Variants in HOMER2 observed in about 807,000 individuals in gnomAD.
HOMER2 encodes homer scaffold protein 2.
In HOMER2, 27 loss-of-function variants were observed where a neutral mutation model predicts 47.0. The ratio of observed to expected loss-of-function variants is 0.57; its 90% CI spans 0.42 to 0.79. The LOEUF is 0.79. HOMER2 is among the 30% of genes least tolerant of loss of function. The probability of loss-of-function intolerance (pLI) is 0.00; values close to 1 mark genes in which losing one functional copy is unlikely to be tolerated. For missense variants in HOMER2, 443 were observed against 435.0 expected, an observed-to-expected ratio of 1.02 and a Z score of -0.16; for synonymous variants, 161 against 163.8, an observed-to-expected ratio of 0.98 and a Z score of 0.13.
chr15:82,928,624 T>A (rs2053916209), intron 1 of HOMER2, among the ~76,000 whole-genome samples: 1 of 152,130 alleles, frequency 6.6e-6, no homozygotes. Flanking sequence ...CATTCGTTAT[T>A]CACTAGGTTA....
At chr15:82,861,676 T>C (rs976106389) in intron 4 of HOMER2, among the ~76,000 whole-genome samples, 7 of 152,168 alleles carry the variant, frequency 4.6e-5, no homozygotes, top group Non-Finnish European at 1.0e-4. Context: ...TCTAAGAGAT[T>C]CAGGAAACCA....
At chr15:82,962,397 C>A (rs1208621391) in intron 1 of HOMER2, among the ~76,000 whole-genome samples, 2 of 149,136 alleles carry the variant, frequency 1.3e-5, no homozygotes, top group East Asian at 2.0e-4. Flanking sequence ...TGTCCAGAGG[C>A]CGGGCATGGT....
chr15:82,868,541 A>ATATTTTTTTTTTT, intron 3 of HOMER2, among the ~76,000 whole-genome samples: 1 of 71,290 alleles, frequency 1.4e-5, no homozygotes. Flanking sequence ...ATATATATAT[A>ATATTTTTTTTTTT]TTTTTTTTTT....
chr15:82,978,005 C>G (rs1567081006), intron 1 of HOMER2, among the ~76,000 whole-genome samples: 1 of 152,104 alleles, frequency 6.6e-6, no homozygotes. Context: ...CAAAAATTAG[C>G]TGGGCATGGA....
At chr15:82,976,191 C>T (rs1257199402) in intron 1 of HOMER2, among the ~76,000 whole-genome samples, 1 of 152,016 alleles carries the variant, frequency 6.6e-6, no homozygotes, top group African/African-American at 2.4e-5. Flanking sequence ...GTTAATTTCA[C>T]TTTCCTCTTA....
chr15:82,932,237 G>A (rs1174599110), intron 1 of HOMER2, among the ~76,000 whole-genome samples: 1 of 152,122 alleles, frequency 6.6e-6, no homozygotes, highest in East Asian at 1.9e-4. Context: ...GCTCACGCCT[G>A]TAATCCCAGC....
At chr15:82,889,991 C>T (rs1056191765) in intron 2 of HOMER2, among the ~76,000 whole-genome samples, 4 of 152,174 alleles carry the variant, frequency 2.6e-5, no homozygotes, top group Admixed American at 6.5e-5. Context: ...TCATGGGATG[C>T]TTCCTTTTGC....
intron 1 of HOMER2, among the ~76,000 whole-genome samples, chr15:82,894,095 T>C (rs1196843792): frequency 6.6e-6 from 1 of 152,220 alleles, no homozygotes; most frequent in Admixed American, 6.5e-5. Flanking sequence ...CCTTCTGCTA[T>C]TCTTGCCTCT....
At chr15:82,920,429 G>A (rs148835320) in intron 1 of HOMER2, among the ~76,000 whole-genome samples, 1 of 152,246 alleles carries the variant, frequency 6.6e-6, no homozygotes, top group African/African-American at 2.4e-5. Flanking sequence ...CAGTTGACTG[G>A]GCTGAAACCA....
At chr15:82,859,298 G>GT (rs1044665680) in intron 4 of HOMER2, 163 bp from the exon 5 acceptor site, 65 of 746,838 alleles carry the variant, frequency 8.7e-5, no homozygotes, top group Middle Eastern at 3.3e-4. Context: ...AGACTAACAA[G>GT]TTTTTGTTTT....
At chr15:82,915,589 T>C (rs1423675377) in intron 1 of HOMER2, among the ~76,000 whole-genome samples, 2 of 152,178 alleles carry the variant, frequency 1.3e-5, no homozygotes, top group East Asian at 3.8e-4. Context: ...GGCACGTGCC[T>C]GTAGTCCCAG....
At chr15:82,842,306 TTTTTTTGTTTTG>T (rs1474505153) in exon 2 of HOMER2, 8 of 151,944 alleles carry the variant, frequency 5.3e-5, no homozygotes, top group Non-Finnish European at 1.2e-4. Flanking sequence ...TGGAAGGTTT[TTTTTTTGTTTTG>T]TTTTTTGTTT....
chr15:82,930,654 G>T lies in HOMER2; in HGVS notation c.5+21877C>A, dbSNP rs182864931. ...CCACATGGACAGTCATGTGGCAGTG[G>T]AGGGGCAAATTAAGGCCAGCTAAGA... On this transcript the variant is annotated intron_variant, in intron 1 of 8. Coordinates refer to ENST00000450735, the MANE Select transcript of HOMER2 (RefSeq NM_004839.4). Among the ~76,000 whole-genome samples, 563 of 152,328 alleles carry T rather than the reference G, an allele frequency of 3.7e-3. 7 individuals carry two copies. The highest frequency in any genetic ancestry group is 3.4e-3 in the Middle Eastern group (1 of 294).
intron 2 of HOMER2, 114 bp from the exon 3 acceptor site, chr15:82,875,518 G>T: frequency 9.1e-7 from 1 of 1,101,504 alleles, no homozygotes; most frequent in Non-Finnish European, 1.3e-6. Flanking sequence ...CCTCTGCCCT[G>T]TTAAATTTGG....
intron 3 of HOMER2, among the ~76,000 whole-genome samples, chr15:82,870,280 T>C (rs2151059124): frequency 6.6e-6 from 1 of 152,290 alleles, no homozygotes; most frequent in South Asian, 2.1e-4. Flanking sequence ...TGGAAATCCG[T>C]TTCCCTGGTT....
At chr15:82,914,259 T>G (rs1455550913) in intron 1 of HOMER2, among the ~76,000 whole-genome samples, 2 of 147,972 alleles carry the variant, frequency 1.4e-5, no homozygotes, top group Admixed American at 6.7e-5. Context: ...GCACCTGTAG[T>G]CCCAGCTACT....
intron 1 of HOMER2, among the ~76,000 whole-genome samples, chr15:82,975,569 T>C (rs2030171041): frequency 6.6e-6 from 1 of 152,142 alleles, no homozygotes; most frequent in Non-Finnish European, 1.5e-5. Flanking sequence ...ACACCATAGA[T>C]GGAACAGGAG....
upstream of HOMER2, among the ~76,000 whole-genome samples, chr15:82,953,815 G>A (rs1398746426): frequency 2.0e-5 from 3 of 152,118 alleles, no homozygotes; most frequent in East Asian, 1.9e-4. Context: ...CCTGGAAGGC[G>A]GATCTTGTAG....
chr15:82,941,800 C>T (rs539830031), intron 1 of HOMER2, among the ~76,000 whole-genome samples: 32 of 152,272 alleles, frequency 2.1e-4, no homozygotes, highest in Non-Finnish European at 4.1e-4. Context: ...ATCTCCATGC[C>T]TATTATTAAT....
Sources: gnomAD v4.1 joint callset for allele counts (sites outside exome capture counted in the v4.1 genomes callset) on GRCh38, gnomAD v4.1.1 for gene constraint, MANE v1.5 for transcripts, NCBI Gene and HGNC (gene_info 2026-07-23, HGNC 2026-07-21) for gene names.